BEAN1: variants seen among roughly 807,000 people sequenced by gnomAD.
BEAN1 encodes protein BEAN1.
A neutral mutation model predicts 17.7 loss-of-function variants in BEAN1; 17 were observed. That is an observed-to-expected ratio of 0.96 (90% CI 0.66 to 1.44). BEAN1 has a LOEUF of 1.44. Ranked by LOEUF, BEAN1 falls within the 40% of genes most tolerant of loss-of-function variation. BEAN1 has a pLI of 0.00. For synonymous variants in BEAN1, 142 were observed against 151.8 expected (o/e 0.94, Z 0.47); for missense variants, 359 against 374.1 (o/e 0.96, Z 0.33).
At chr16:66,430,494 A>G (rs1178288716) in intron 1 of BEAN1, among the ~76,000 whole-genome samples, 1 of 152,194 alleles carries the variant, frequency 6.6e-6, no homozygotes, top group African/African-American at 2.4e-5. Context: ...TAATTACCAC[A>G]TTGTAATTTA....
intron 2 of BEAN1, among the ~76,000 whole-genome samples, chr16:66,443,999 C>T (rs1476048500): frequency 1.3e-5 from 2 of 152,168 alleles, no homozygotes; most frequent in African/African-American, 2.4e-5. Context: ...TTTCAGTGCA[C>T]AATCATATCA....
Position 66,471,191 on chromosome 16 carries a change from TA to T in BEAN1, c.289+1327del, listed in dbSNP as rs955254440. ...ACACCCTGATTAGCCAGGTTTGGGGTATTTCCTGTCCTTTTTCAGAGTTAAC... is the reference window on the plus strand; with the variant it reads ...ACACCCTGATTAGCCAGGTTTGGGGTTTTCCTGTCCTTTTTCAGAGTTAAC... On this transcript the variant is annotated intron_variant, in intron 3 of 4. Transcript: ENST00000536005. The surrounding 1 kb of genome is among the most constrained non-coding windows in gnomAD (Gnocchi z 4.7). Among the ~76,000 whole-genome samples the T allele has an allele frequency of 2.0e-5, 3 of 152,186 alleles. No individual in the cohort carries two copies. Among genetic ancestry groups the T allele is most frequent in the African/African-American group, 7.2e-5 (3 of 41,448 alleles).
intron 2 of BEAN1, among the ~76,000 whole-genome samples, chr16:66,461,181 A>C: frequency 7.2e-6 from 1 of 139,272 alleles, no homozygotes; most frequent in Admixed American, 7.1e-5. Flanking sequence ...GTACAGGGGG[A>C]CAGGGAGACC....
downstream of BEAN1, chr16:66,483,241 T>C (rs188962596): frequency 4.5e-5 from 8 of 179,284 alleles, no homozygotes; most frequent in Non-Finnish European, 7.2e-5. Context: ...TTAAGCACCA[T>C]TGAAGCCTTG....
At position 66,471,313 on chromosome 16, in the gene BEAN1, G is replaced by A. The variant is rs1178195304; in HGVS notation, c.289+1448G>A. On this transcript the variant is annotated intron_variant, in intron 3 of 4. Coordinates refer to ENST00000536005, the MANE Select transcript of BEAN1 (RefSeq NM_001178020.3). The surrounding 1 kb of genome is among the most constrained non-coding windows in gnomAD (Gnocchi z 4.7). Reference sequence around the variant, plus strand: ...AAGGAGTGCTTGCTGGGTGCCTGGCGCTGTCTGTGCACATAATCTCACTGC... The same window carrying A: ...AAGGAGTGCTTGCTGGGTGCCTGGCACTGTCTGTGCACATAATCTCACTGC... Among the ~76,000 whole-genome samples, 1 of 152,142 alleles carries A rather than the reference G, an allele frequency of 6.6e-6. No individual in the cohort carries two copies. Among genetic ancestry groups the A allele is most frequent in the African/African-American group, 2.4e-5 (1 of 41,420 alleles).
chr16:66,492,363 T>C (rs1224839671), intron 4 of BEAN1, among the ~76,000 whole-genome samples: 2 of 151,710 alleles, frequency 1.3e-5, no homozygotes, highest in Non-Finnish European at 2.9e-5. Flanking sequence ...TTTAATTTCT[T>C]CCTGCTCCAG....
rs1413528742 is a variant in BEAN1 at position 66,434,223 on chromosome 16, A to AACCCCG, written c.-82-3360_-82-3355dup. Among the ~76,000 whole-genome samples, 16 of 13,972 alleles carry AACCCCG rather than the reference A, an allele frequency of 1.1e-3. No homozygotes were observed. The East Asian group carries it at 0.022, about 19-fold the overall frequency. The allele number at this position is 13,972 out of a possible 152,430, so 9.2% of individuals were successfully genotyped here. A position where few individuals can be genotyped will look rare whatever the true frequency, so the allele number is the denominator to read the frequency against. ...TGGGCCTGCCCCCGACCCCGACCCC[A>AACCCCG]ACCCCGACCCCGACCCCTGGCAAAG... is the stretch of plus-strand genomic sequence containing the variant. On this transcript the variant is annotated intron_variant, in intron 1 of 4. Transcript: ENST00000536005. The surrounding 1 kb of genome is among the most constrained non-coding windows in gnomAD (Gnocchi z 4.3).
chr16:66,491,030 C>T (rs1049622264), intron 4 of BEAN1, among the ~76,000 whole-genome samples: 23 of 152,210 alleles, frequency 1.5e-4, no homozygotes, highest in African/African-American at 5.3e-4. Flanking sequence ...TCCAGCCCCC[C>T]CGAAGCCACC....
intron 2 of BEAN1, among the ~76,000 whole-genome samples, chr16:66,458,939 C>CTGGG (rs1962976528): frequency 6.6e-6 from 1 of 152,370 alleles, no homozygotes; most frequent in East Asian, 1.9e-4. Flanking sequence ...CCAGGCACCG[C>CTGGG]TCCTGCCTCG....
intron 3 of BEAN1, chr16:66,476,205 A>C (rs564231703): frequency 7.2e-5 from 11 of 152,298 alleles, no homozygotes; most frequent in African/African-American, 2.4e-4. Flanking sequence ...CGTGTTTGGA[A>C]TATTTTCTTC....
chr16:66,438,229 C>T (rs1455531750), intron 2 of BEAN1, among the ~76,000 whole-genome samples: 1 of 152,000 alleles, frequency 6.6e-6, no homozygotes, highest in African/African-American at 2.4e-5. Flanking sequence ...ACTAAAAATA[C>T]AAACATTAGC....
chr16:66,435,480 A>C (rs1222803753), intron 1 of BEAN1, among the ~76,000 whole-genome samples: 1 of 152,128 alleles, frequency 6.6e-6, no homozygotes, highest in African/African-American at 2.4e-5. Context: ...GTGCACTGAG[A>C]AATAACTGGT....
At chr16:66,429,342 G>T (rs1486779665) in intron 1 of BEAN1, among the ~76,000 whole-genome samples, 1 of 152,224 alleles carries the variant, frequency 6.6e-6, no homozygotes, top group Admixed American at 6.5e-5. Flanking sequence ...TCAGAGCAGG[G>T]TGTCCCCAGG....
At chr16:66,470,305 G>C (rs1481257427) in intron 3 of BEAN1, among the ~76,000 whole-genome samples, 2 of 152,166 alleles carry the variant, frequency 1.3e-5, no homozygotes, top group South Asian at 4.2e-4. Flanking sequence ...GATGGGTGAG[G>C]AGTGAGGTGA....
downstream of BEAN1, among the ~76,000 whole-genome samples, chr16:66,487,016 C>T (rs1252680735): frequency 1.3e-5 from 2 of 152,294 alleles, no homozygotes; most frequent in East Asian, 3.9e-4. Flanking sequence ...GTTGCCATAG[C>T]AGGGAGGGGG....
chr16:66,440,331 C>A (rs1226841186), intron 2 of BEAN1, among the ~76,000 whole-genome samples: 2 of 151,982 alleles, frequency 1.3e-5, no homozygotes, highest in Non-Finnish European at 2.9e-5. Context: ...AGGGTTTCAT[C>A]ATTTGACCAG....
intron 1 of BEAN1, among the ~76,000 whole-genome samples, chr16:66,432,929 A>G (rs1253027729): frequency 1.3e-5 from 2 of 152,030 alleles, no homozygotes; most frequent in Non-Finnish European, 2.9e-5. Context: ...TAACAGTGCA[A>G]TTCCCACCTG....
chr16:66,482,678 G>A lies in BEAN1; in HGVS notation c.*1753G>A. On this transcript the variant is annotated 3_prime_UTR_variant, in exon 5 of 5. Transcript: ENST00000536005. Reference sequence around the variant, plus strand: ...CAGAGAGTGCTGGGGGAAAAAAAGGGATAAAAATTCCTACCTACTCATCAG... The same window carrying A: ...CAGAGAGTGCTGGGGGAAAAAAAGGAATAAAAATTCCTACCTACTCATCAG... 1 of 361,624 alleles carries A rather than the reference G, an allele frequency of 2.8e-6. No homozygotes were observed. The highest frequency in any genetic ancestry group is 5.4e-6 in the Non-Finnish European group (1 of 185,798). 22.4% of individuals were successfully genotyped at this position (361,624 alleles called of 1,614,324 possible). A position where few individuals can be genotyped will look rare whatever the true frequency, so the allele number is the denominator to read the frequency against.
chr16:66,448,303 T>C (rs1187367694), intron 2 of BEAN1, among the ~76,000 whole-genome samples: 5 of 152,176 alleles, frequency 3.3e-5, no homozygotes, highest in Non-Finnish European at 7.4e-5. Context: ...CATGAGCCAG[T>C]TGCTAAACCA....
Sources: allele counts gnomAD v4.1 joint callset (sites outside exome capture counted in the v4.1 genomes callset), GRCh38; gene constraint gnomAD v4.1.1; non-coding constraint Gnocchi (gnomAD v3.1); transcripts MANE v1.5; gene names NCBI Gene and HGNC (gene_info 2026-07-23, HGNC 2026-07-21).